The following CMIP variants were observed in gnomAD, a reference collection of about 807,000 sequenced individuals.
CMIP encodes C-Maf-inducing protein.
A neutral mutation model predicts 97.3 loss-of-function variants in CMIP; 13 were observed. The ratio of observed to expected loss-of-function variants is 0.13; its 90% CI spans 0.09 to 0.21. The LOEUF (loss-of-function observed/expected upper bound fraction) is 0.21, where lower values mean the gene tolerates loss of function less well. Among genes scored for constraint, CMIP ranks in the 10% least tolerant of loss-of-function variants. The pLI is 1.00. For synonymous variants in CMIP, 538 were observed against 436.3 expected, an observed-to-expected ratio of 1.23 and a Z score of -2.91; for missense variants, 847 against 1,024.9, an observed-to-expected ratio of 0.83 and a Z score of 2.37.
At position 81,670,158 on chromosome 16, in the gene CMIP, C is replaced by G; in HGVS notation, c.842C>G (p.Pro281Arg). 6.2e-7 allele frequency: 1 copy of G among 1,608,864 alleles called. No individual in the cohort carries two copies. The change falls in exon 8 of 21, where the codon CCG becomes CGG. Residue 281 changes from proline to arginine, a missense_variant. This residue lies in a region of CMIP where 285 missense variants were observed against 392.2 expected (regional missense o/e 0.73). Transcript: ENST00000537098. The stretch of plus-strand genomic sequence containing the variant: ...TCTCCACAGGACTTTGGGAAGTGCC[C>G]GCGACTGAGGCTGTTTACTCAGGAG... ...LKHNMDFGKC[P>R]RLRLFTQEYI... is the part of the protein sequence containing the mutation.
intron 1 of CMIP, among the ~76,000 whole-genome samples, chr16:81,475,239 T>C (rs868038209): frequency 1.3e-5 from 2 of 152,326 alleles, no homozygotes; most frequent in South Asian, 4.1e-4. Context: ...TGACATGCAA[T>C]AAACTGCATA....
At chr16:81,613,738 A>G (rs778365793) in intron 2 of CMIP, among the ~76,000 whole-genome samples, 4 of 152,108 alleles carry the variant, frequency 2.6e-5, no homozygotes, top group Non-Finnish European at 5.9e-5. Flanking sequence ...TTGTGTGTGG[A>G]CTTTCTTCGC....
chr16:81,536,752 T>TC (rs1167787565), intron 1 of CMIP, among the ~76,000 whole-genome samples: 1 of 152,000 alleles, frequency 6.6e-6, no homozygotes, highest in African/African-American at 2.4e-5. Context: ...GCACTGCTTG[T>TC]CTTTTTTTTT....
In CMIP at chr16:81,574,836, C is replaced by G. The variant is rs112388353; in HGVS notation, c.301-32731C>G. 1.2e-3 allele frequency among the ~76,000 whole-genome samples: 179 copies of G among 152,322 alleles called. 1 individual carries two copies. Among genetic ancestry groups the G allele is most frequent in the African/African-American group, 4.2e-3 (176 of 41,568 alleles). On this transcript the variant is annotated intron_variant, in intron 1 of 20. Transcript: ENST00000537098. ...CACTTCAGCTGACTGTCAGAGCAGA[C>G]CACACTGCAAGATCACGTGGGCAAG... is the stretch of plus-strand genomic sequence containing the variant.
At chr16:81,635,136 C>T (rs1158018177) in intron 3 of CMIP, among the ~76,000 whole-genome samples, 1 of 152,086 alleles carries the variant, frequency 6.6e-6, no homozygotes, top group Non-Finnish European at 1.5e-5. Context: ...AATTAAGCAG[C>T]GTTGTTTCCT....
chr16:81,650,247 G>A (rs1453185982), intron 3 of CMIP, among the ~76,000 whole-genome samples: 24 of 152,258 alleles, frequency 1.6e-4, no homozygotes, highest in Middle Eastern at 3.4e-3. Flanking sequence ...TTCCCCTCCC[G>A]CTCCCTGGGG....
chr16:81,686,051 C>T (rs1414961622), intron 10 of CMIP, among the ~76,000 whole-genome samples: 1 of 152,224 alleles, frequency 6.6e-6, no homozygotes, highest in Admixed American at 6.5e-5. Context: ...CTCCATTTTC[C>T]TGCCTATAAA....
At chr16:81,481,873 C>A (rs932399447) in intron 1 of CMIP, among the ~76,000 whole-genome samples, 9 of 145,450 alleles carry the variant, frequency 6.2e-5, no homozygotes, top group African/African-American at 2.4e-4. Context: ...GGCCCTCCCG[C>A]CTCCCTCTTT....
intron 17 of CMIP, 95 bp from the exon 18 acceptor site, chr16:81,703,844 G>A: frequency 6.8e-7 from 1 of 1,465,550 alleles, no homozygotes; most frequent in Non-Finnish European, 9.1e-7. Flanking sequence ...GCTCTCTGTA[G>A]GGCGAGGGGA....
In CMIP at chr16:81,558,300, G is replaced by A. The variant is rs371354818; in HGVS notation, c.301-49267G>A. Among the ~76,000 whole-genome samples the A allele has an allele frequency of 4.6e-5, 7 of 151,970 alleles. No homozygotes were observed. In the East Asian group the frequency reaches 9.7e-4, roughly 21 times the overall value. On this transcript the variant is annotated intron_variant, in intron 1 of 20. Coordinates refer to ENST00000537098, the MANE Select transcript of CMIP (RefSeq NM_198390.3). ...CATCAGCAGACACGAGGCTGCTTCC[G>A]CCTCTCGGCCGTTACAGATAGTGCT...
intron 2 of CMIP, among the ~76,000 whole-genome samples, chr16:81,611,773 A>C (rs1597145333): frequency 6.6e-6 from 1 of 151,936 alleles, no homozygotes; most frequent in Admixed American, 6.6e-5. Flanking sequence ...TAAAACTCTT[A>C]CTTTGTTAGA....
At chr16:81,589,894 TG>T (rs2091441188) in intron 1 of CMIP, among the ~76,000 whole-genome samples, 1 of 152,198 alleles carries the variant, frequency 6.6e-6, no homozygotes, top group Non-Finnish European at 1.5e-5. Context: ...TGTACCTCAA[TG>T]GCGTGTGTAA....
Position 81,687,355 on chromosome 16 carries a change from G to A in CMIP, c.1389-4420G>A, listed in dbSNP as rs143626743. On this transcript the variant is annotated intron_variant, in intron 10 of 20. Coordinates refer to ENST00000537098, the MANE Select transcript of CMIP (RefSeq NM_198390.3). ...TGATTCGGATGGGGACTGCTCCAGTGGCCACCCCTCACTTTATGTGTCACG... is the reference window on the plus strand; with the variant it reads ...TGATTCGGATGGGGACTGCTCCAGTAGCCACCCCTCACTTTATGTGTCACG... Among the ~76,000 whole-genome samples, 604 of 152,300 alleles carry A rather than the reference G, an allele frequency of 4.0e-3. 1 individual carries two copies. Among genetic ancestry groups the A allele is most frequent in the African/African-American group, 0.014 (566 of 41,564 alleles).
chr16:81,450,528 G>A (rs546084368), intron 1 of CMIP, among the ~76,000 whole-genome samples: 1 of 152,284 alleles, frequency 6.6e-6, no homozygotes, highest in African/African-American at 2.4e-5. Context: ...ACAGTGACCA[G>A]GATTCCAATT....
intron 1 of CMIP, among the ~76,000 whole-genome samples, chr16:81,548,015 T>C (rs8054061): frequency 0.45 from 68,809 of 152,078 alleles, 16,024 homozygotes; most frequent in Non-Finnish European, 0.5. Flanking sequence ...GTTGGAACAA[T>C]TTCCAGATCA....
chr16:81,636,305 C>T (rs759811065), intron 3 of CMIP, among the ~76,000 whole-genome samples: 16 of 152,146 alleles, frequency 1.1e-4, no homozygotes, highest in East Asian at 3.9e-4. Context: ...GATTCTGGCC[C>T]GGTGTGGTGG....
intron 1 of CMIP, among the ~76,000 whole-genome samples, chr16:81,568,966 T>C (rs2091033813): frequency 6.6e-6 from 1 of 152,136 alleles, no homozygotes; most frequent in African/African-American, 2.4e-5. Context: ...AGAAATACAG[T>C]GAAAAACTGT....
In CMIP at chr16:81,711,670, C is replaced by G. The variant is rs1161819067; in HGVS notation, c.*1871C>G. 6.6e-6 allele frequency: 1 copy of G among 151,022 alleles called. No individual in the cohort carries two copies. The highest frequency in any genetic ancestry group is 1.5e-5 in the Non-Finnish European group (1 of 67,874). 9.4% of individuals were successfully genotyped at this position (151,022 alleles called of 1,614,324 possible). A position where few individuals can be genotyped will look rare whatever the true frequency, so the allele number is the denominator to read the frequency against. On this transcript the variant is annotated 3_prime_UTR_variant, in exon 21 of 21. Coordinates refer to ENST00000537098, the MANE Select transcript of CMIP (RefSeq NM_198390.3). ...TGCCACCTTTCCCCTCGCACTGTTG[C>G]TTTTCCTGATGGTTAATACTACTGT...
Position 81,444,816 on chromosome 16 carries a change from C to T in CMIP, c.-426C>T, listed in dbSNP as rs906641013. 2.1e-5 allele frequency among the ~76,000 whole-genome samples: 3 copies of T among 145,552 alleles called. No homozygotes were observed. Among genetic ancestry groups the T allele is most frequent in the South Asian group, 2.1e-4 (1 of 4,796 alleles). ...CCGCCCCGCCCGCGGCCACTCTCGC[C>T]CGGACGGCCGCGCGGACACACGCTC... is the stretch of plus-strand genomic sequence containing the variant. On this transcript the variant is annotated 5_prime_UTR_variant, in exon 1 of 21. Coordinates refer to ENST00000537098, the MANE Select transcript of CMIP (RefSeq NM_198390.3).
Sources: gnomAD v4.1 joint callset for allele counts (sites outside exome capture counted in the v4.1 genomes callset) on GRCh38, gnomAD v4.1.1 for gene constraint, gnomAD v4.1.1 regional missense constraint, MANE v1.5 for transcripts, NCBI Gene and HGNC (gene_info 2026-07-23, HGNC 2026-07-21) for gene names.